DEAF1: variants seen among roughly 807,000 people sequenced by gnomAD.
The protein encoded by DEAF1 is deformed epidermal autoregulatory factor 1 homolog.
DEAF1 carries 53 observed loss-of-function variants against 58.9 expected under a neutral mutation model. That is an observed-to-expected ratio of 0.90 (90% confidence interval 0.72 to 1.13). DEAF1 has a LOEUF of 1.13. Among genes scored for constraint, DEAF1 ranks in the 50% most tolerant of loss-of-function variants. The pLI is 0.00. For synonymous variants in DEAF1, 385 were observed against 340.4 expected (o/e 1.13, Z -1.44); for missense variants, 685 against 791.4 (o/e 0.87, Z 1.61).
Position 686,880 on chromosome 11 carries a change from C to A in DEAF1, c.782G>T (p.Arg261Leu). 1 of 1,614,194 alleles carries A rather than the reference C, an allele frequency of 6.2e-7. No homozygotes were observed. The change falls in exon 5 of 12, where the codon CGA becomes CTA. Residue 261 changes from arginine to leucine, a missense_variant. Around this residue, in one of 3 missense-constraint regions of DEAF1, gnomAD observed 132 missense variants for 234.3 expected, o/e 0.56. Coordinates refer to ENST00000382409, the MANE Select transcript of DEAF1 (RefSeq NM_021008.4). Reference protein sequence around the residue: ...DWKRSIRYAGRPLQCLIQDGI... With the variant: ...DWKRSIRYAGLPLQCLIQDGI... ...TACCTGGATGAGGCACTGCAAGGGT[C>A]GGCCCGCGTAGCGAATGCTTCTTTT... is the stretch of plus-strand genomic sequence containing the variant.
At chr11:653,704 G>T (rs1325652240) in intron 11 of DEAF1, among the ~76,000 whole-genome samples, 2 of 152,178 alleles carry the variant, frequency 1.3e-5, no homozygotes, top group Non-Finnish European at 2.9e-5. Flanking sequence ...GGAGGGCTGG[G>T]AAGCACTGAC....
upstream of DEAF1, chr11:698,930 C>T (rs1207020202): frequency 6.2e-6 from 10 of 1,613,084 alleles, no homozygotes; most frequent in East Asian, 1.6e-4. Flanking sequence ...CCCAGAGGCC[C>T]GAATTGCTGC....
intron 1 of DEAF1, chr11:704,355 A>G: frequency 1.0e-6 from 1 of 969,642 alleles, no homozygotes; most frequent in Non-Finnish European, 1.4e-6. Context: ...TGGCACCTGG[A>G]CAGTCTTTCC....
upstream of DEAF1, among the ~76,000 whole-genome samples, chr11:696,265 G>A (rs1208194622): frequency 6.6e-6 from 1 of 152,070 alleles, no homozygotes; most frequent in East Asian, 1.9e-4. Context: ...GAGGAGGAAG[G>A]GACAGACCAA....
chr11:663,231 G>C (rs968098206), intron 10 of DEAF1, among the ~76,000 whole-genome samples: 2 of 152,238 alleles, frequency 1.3e-5, no homozygotes, highest in African/African-American at 4.8e-5. Flanking sequence ...TGGATCACCT[G>C]AACGCAGGAG....
intron 10 of DEAF1, among the ~76,000 whole-genome samples, chr11:661,743 G>A (rs1564931106): frequency 6.6e-6 from 1 of 152,036 alleles, no homozygotes; most frequent in Admixed American, 6.6e-5. Context: ...ATGTGGAATC[G>A]GCAGCGTCAC....
intron 10 of DEAF1, among the ~76,000 whole-genome samples, chr11:670,771 G>GTTTTTTT (rs199899292): frequency 3.1e-4 from 14 of 45,282 alleles, no homozygotes; most frequent in African/African-American, 9.8e-4. Flanking sequence ...TTTTCTTTTT[G>GTTTTTTT]TTTTTGTTTT....
intron 11 of DEAF1, among the ~76,000 whole-genome samples, chr11:653,496 C>T (rs994730357): frequency 1.1e-4 from 14 of 133,298 alleles, no homozygotes; most frequent in East Asian, 4.6e-4. Flanking sequence ...CAGTCTCTCT[C>T]GCGTGGCTCT....
At chr11:701,375 GTTTTT>G (rs71464108) in intron 1 of DEAF1, among the ~76,000 whole-genome samples, 1 of 124,278 alleles carries the variant, frequency 8.0e-6, no homozygotes. Context: ...GTTTTGTTTT[GTTTTT>G]TTTTGGTAGA....
Position 702,230 on chromosome 11 carries a change from G to A in DEAF1, c.-438+4342C>T, listed in dbSNP as rs143296804. Among the ~76,000 whole-genome samples, 269 of 152,356 alleles carry A rather than the reference G, an allele frequency of 1.8e-3. 1 individual carries two copies. Among genetic ancestry groups the A allele is most frequent in the Admixed American group, 2.7e-3 (41 of 15,314 alleles). On this transcript the variant is annotated intron_variant, in intron 1 of 11. Coordinates refer to the DEAF1 transcript ENST00000683307. ...CCATCCCACTGAGGGGTGCCCGGCCGTCAGTGTCTTGTCTGCACTTACGTC... is the reference window on the plus strand; with the variant it reads ...CCATCCCACTGAGGGGTGCCCGGCCATCAGTGTCTTGTCTGCACTTACGTC...
At chr11:656,676 G>A (rs1859070110) in intron 10 of DEAF1, among the ~76,000 whole-genome samples, 1 of 152,180 alleles carries the variant, frequency 6.6e-6, no homozygotes, top group Non-Finnish European at 1.5e-5. Flanking sequence ...GAAGGGCACG[G>A]GTCTCCGTGT....
chr11:702,669 G>A (rs900210894), intron 1 of DEAF1, among the ~76,000 whole-genome samples: 50 of 152,320 alleles, frequency 3.3e-4, no homozygotes, highest in Middle Eastern at 3.4e-3. Context: ...ATTCACCCCC[G>A]CCCACACAGC....
At chr11:673,254 T>C (rs1397052411) in intron 10 of DEAF1, among the ~76,000 whole-genome samples, 1 of 152,060 alleles carries the variant, frequency 6.6e-6, no homozygotes, top group African/African-American at 2.4e-5. Context: ...AAGCTGGGCA[T>C]GGTGGCTCAC....
At chr11:645,270 T>C (rs1858434860) in intron 11 of DEAF1, among the ~76,000 whole-genome samples, 1 of 152,160 alleles carries the variant, frequency 6.6e-6, no homozygotes, top group Non-Finnish European at 1.5e-5. Context: ...GAAAAACATT[T>C]AAATATGTAA....
chr11:648,181 T>C lies in DEAF1; in HGVS notation c.1594-3527A>G, dbSNP rs1386536739. On this transcript the variant is annotated intron_variant, in intron 11 of 11. Coordinates refer to ENST00000382409, the MANE Select transcript of DEAF1 (RefSeq NM_021008.4). ...TACCAAGTCCTCTACAATTAATTTT[T>C]AAAATTATCACTGCCTTTTTTTTTT... is the stretch of plus-strand genomic sequence containing the variant. Among the ~76,000 whole-genome samples the C allele has an allele frequency of 2.7e-5, 4 of 150,396 alleles. 1 individual carries two copies. The South Asian group carries it at 8.4e-4, about 32-fold the overall frequency.
intron 6 of DEAF1, among the ~76,000 whole-genome samples, chr11:681,338 G>A (rs1471847660): frequency 1.3e-5 from 2 of 151,908 alleles, no homozygotes; most frequent in African/African-American, 2.4e-5. Flanking sequence ...AGGTTCAAGT[G>A]ATTCTGCGTT....
upstream of DEAF1, chr11:695,980 C>A: frequency 1.4e-6 from 1 of 730,152 alleles, no homozygotes; most frequent in Non-Finnish European, 1.9e-6. Context: ...GAGACAGCTC[C>A]GTCACCCCAT....
intron 10 of DEAF1, among the ~76,000 whole-genome samples, chr11:660,917 A>G (rs1859293397): frequency 6.6e-6 from 1 of 152,182 alleles, no homozygotes; most frequent in African/African-American, 2.4e-5. Flanking sequence ...CCCGCAGGGA[A>G]GCGGCTGCTC....
chr11:684,120 G>C (rs1399464855), intron 6 of DEAF1, among the ~76,000 whole-genome samples: 1 of 127,606 alleles, frequency 7.8e-6, no homozygotes, highest in Non-Finnish European at 1.6e-5. Context: ...GTCTCTCCAT[G>C]CTCTTTTTTT....
Sources: gnomAD v4.1 joint callset for allele counts (sites outside exome capture counted in the v4.1 genomes callset) on GRCh38, gnomAD v4.1.1 for gene constraint, gnomAD v4.1.1 regional missense constraint, MANE v1.5 for transcripts, NCBI Gene and HGNC (gene_info 2026-07-23, HGNC 2026-07-21) for gene names.